Variants in MANBA observed in about 807,000 individuals in gnomAD.
MANBA encodes beta-mannosidase.
MANBA carries 83 observed loss-of-function variants against 111.1 expected under a neutral mutation model. The observed-to-expected ratio is 0.75, with a 90% CI of 0.63 to 0.90. MANBA has a LOEUF of 0.90. MANBA is among the 40% of genes least tolerant of loss of function. The pLI is 0.00. For synonymous variants in MANBA, 370 were observed against 378.7 expected, an observed-to-expected ratio of 0.98 and a Z score of 0.27; for missense variants, 1,036 against 1,069.0, an observed-to-expected ratio of 0.97 and a Z score of 0.43.
chr4:102,653,600 T>C (rs1430027915), intron 12 of MANBA, among the ~76,000 whole-genome samples: 1 of 152,200 alleles, frequency 6.6e-6, no homozygotes, highest in Admixed American at 6.5e-5. Flanking sequence ...ATTCAAATTC[T>C]CAACTAAGCA....
chr4:102,660,024 C>T (rs1730855255), intron 11 of MANBA, among the ~76,000 whole-genome samples: 1 of 152,180 alleles, frequency 6.6e-6, no homozygotes, highest in Non-Finnish European at 1.5e-5. Flanking sequence ...CTAGCCACAC[C>T]TGCACACTTG....
chr4:102,715,496 C>CT (rs2110274834), intron 4 of MANBA, among the ~76,000 whole-genome samples: 1 of 152,226 alleles, frequency 6.6e-6, no homozygotes, highest in South Asian at 2.1e-4. Context: ...CACATATTTT[C>CT]TTTTTTTAAC....
rs182869272 is a variant in MANBA at position 102,632,224 on chromosome 4, C to G, written c.2473G>C (p.Ala825Pro). ...FVFDLETSAVAPFVWLDVGSI... is the reference protein window; with the variant it reads ...FVFDLETSAVPPFVWLDVGSI... The stretch of plus-strand genomic sequence containing the variant: ...CCTACATCCAACCAAACAAAGGGAG[C>G]GACAGCTGAGGTCTCCAGGTCAAAA... Residue 825 changes from alanine to proline, a missense_variant, in exon 17 of 17, where the codon GCT becomes CCT. Transcript: ENST00000647097. The G allele has an allele frequency of 6.2e-7, 1 of 1,613,666 alleles. No homozygotes were observed. Among genetic ancestry groups the G allele is most frequent in the South Asian group, 1.1e-5 (1 of 91,066 alleles).
chr4:102,758,278 G>A (rs1051382172), intron 1 of MANBA, among the ~76,000 whole-genome samples: 1 of 152,064 alleles, frequency 6.6e-6, no homozygotes, highest in Admixed American at 6.5e-5. Flanking sequence ...TCGATTTCAA[G>A]TACTTAGAAT....
chr4:102,633,428 C>T, intron 16 of MANBA: 1 of 398,620 alleles, frequency 2.5e-6, no homozygotes, highest in Non-Finnish European at 4.4e-6. Flanking sequence ...TTGGAAATCT[C>T]CTCTCTGTAT....
rs561883220 is a variant in MANBA, at chr4:102,689,404, A to G, written c.960+170T>C. 5.3e-5 allele frequency among the ~76,000 whole-genome samples: 8 copies of G among 150,346 alleles called. No homozygotes were observed. In the South Asian group the frequency reaches 1.3e-3, roughly 24 times the overall value. On this transcript the variant is annotated intron_variant, in intron 7 of 16. Coordinates refer to ENST00000647097, the MANE Select transcript of MANBA (RefSeq NM_005908.4). ...TGTGTGTGTGTATATATATGTATGT[A>G]TATATACACACACAGAGAGAGAAGC...
At chr4:102,685,396 T>C (rs1434953367) in intron 7 of MANBA, among the ~76,000 whole-genome samples, 1 of 152,194 alleles carries the variant, frequency 6.6e-6, no homozygotes, top group Non-Finnish European at 1.5e-5. Context: ...CTGACAAAAG[T>C]GTTTGCCAGT....
chr4:102,758,213 T>C (rs1392880170), intron 1 of MANBA, among the ~76,000 whole-genome samples: 1 of 152,204 alleles, frequency 6.6e-6, no homozygotes, highest in Non-Finnish European at 1.5e-5. Flanking sequence ...GGTATATATG[T>C]CTATCTCCTC....
rs562352003 is a variant in MANBA, at chr4:102,758,301, A to T, written c.177+2417T>A. Among the ~76,000 whole-genome samples the T allele has an allele frequency of 2.6e-5, 4 of 152,352 alleles. No individual in the cohort carries two copies. In the South Asian group the frequency reaches 6.2e-4, roughly 24 times the overall value. On this transcript the variant is annotated intron_variant, in intron 1 of 16. Transcript: ENST00000647097. Reference sequence around the variant, plus strand: ...AAGTACTTAGAATAGTGCCTGCCACATTAGAGGTACAAAATAAATATGAGA... The same window carrying T: ...AAGTACTTAGAATAGTGCCTGCCACTTTAGAGGTACAAAATAAATATGAGA...
intron 1 of MANBA, chr4:102,730,509 CA>C (rs1249934810): frequency 1.9e-6 from 1 of 530,754 alleles, no homozygotes; most frequent in Non-Finnish European, 3.7e-6. Flanking sequence ...ACAGTAACAA[CA>C]TTGATTCTAC....
At chr4:102,758,330 T>C (rs1299483795) in intron 1 of MANBA, among the ~76,000 whole-genome samples, 2 of 152,206 alleles carry the variant, frequency 1.3e-5, no homozygotes, top group Non-Finnish European at 2.9e-5. Context: ...TATGAGATAA[T>C]TAACTAGGTG....
rs866913478 is a variant in MANBA, at chr4:102,756,593, C to T, written c.177+4125G>A. 3.3e-5 allele frequency among the ~76,000 whole-genome samples: 5 copies of T among 150,918 alleles called. No homozygotes were observed. In the South Asian group the frequency reaches 6.3e-4, roughly 19 times the overall value. ...TGTATACATATGTAACAAACCTGCA[C>T]GTTGTGCACATGTACCCTAGAACTT... On this transcript the variant is annotated intron_variant, in intron 1 of 16. Transcript: ENST00000647097.
At chr4:102,716,544 T>G (rs1722342017) in intron 4 of MANBA, among the ~76,000 whole-genome samples, 1 of 152,142 alleles carries the variant, frequency 6.6e-6, no homozygotes, top group African/African-American at 2.4e-5. Context: ...GTCTCTCCCT[T>G]GATGACACTC....
At chr4:102,715,740 T>C (rs1310640670) in intron 4 of MANBA, among the ~76,000 whole-genome samples, 1 of 152,228 alleles carries the variant, frequency 6.6e-6, no homozygotes, top group Non-Finnish European at 1.5e-5. Context: ...CTGATAAGTT[T>C]TGGCATAATT....
In MANBA at chr4:102,674,088, A is replaced by C; in HGVS notation, c.961-18T>G. On this transcript the variant is annotated intron_variant, in intron 7 of 16. Coordinates refer to ENST00000647097, the MANE Select transcript of MANBA (RefSeq NM_005908.4). ...AAATAAACCTGCAATGAACAGAATT[A>C]AATGATGAATATCAAATTTAAACAT... 1 of 1,570,782 alleles carries C rather than the reference A, an allele frequency of 6.4e-7. No homozygotes were observed. Among genetic ancestry groups the C allele is most frequent in the Non-Finnish European group, 8.8e-7 (1 of 1,142,142 alleles).
At chr4:102,643,304 A>C (rs1729961889) in intron 13 of MANBA, among the ~76,000 whole-genome samples, 1 of 152,190 alleles carries the variant, frequency 6.6e-6, no homozygotes, top group South Asian at 2.1e-4. Context: ...TCGTCAGCTG[A>C]AAAATTAGGT....
intron 3 of MANBA, among the ~76,000 whole-genome samples, chr4:102,723,584 A>G (rs946922625): frequency 2.0e-5 from 3 of 152,236 alleles, no homozygotes; most frequent in Non-Finnish European, 4.4e-5. Context: ...GTATCAGCAG[A>G]GGAGGGATTG....
Position 102,633,665 on chromosome 4 carries a change from C to T in MANBA, c.2415+1123G>A, listed in dbSNP as rs78253661. 8.8e-3 allele frequency among the ~76,000 whole-genome samples: 1,345 copies of T among 152,250 alleles called. 33 individuals carry two copies. Among genetic ancestry groups the T allele is most frequent in the Admixed American group, 0.055 (841 of 15,300 alleles). ...AACAAAGAAAGAGCCCTGCTTTTCTCCCACCCCAATTACCCACCTCAAGGT... is the reference window on the plus strand; with the variant it reads ...AACAAAGAAAGAGCCCTGCTTTTCTTCCACCCCAATTACCCACCTCAAGGT... On this transcript the variant is annotated intron_variant, in intron 16 of 16. Coordinates refer to ENST00000647097, the MANE Select transcript of MANBA (RefSeq NM_005908.4).
chr4:102,656,114 G>T (rs1406506555), intron 12 of MANBA, among the ~76,000 whole-genome samples: 1 of 152,080 alleles, frequency 6.6e-6, no homozygotes, highest in Admixed American at 6.6e-5. Flanking sequence ...TTAGCTGGGT[G>T]TGGTGGCACA....
Sources: gnomAD v4.1 joint callset for allele counts (sites outside exome capture counted in the v4.1 genomes callset) on GRCh38, gnomAD v4.1.1 for gene constraint, MANE v1.5 for transcripts, NCBI Gene and HGNC (gene_info 2026-07-23, HGNC 2026-07-21) for gene names.